The following ZBTB20 variants were observed in gnomAD, a reference collection of about 807,000 sequenced individuals.
ZBTB20 encodes zinc finger and BTB domain-containing protein 20.
A neutral mutation model predicts 56.9 loss-of-function variants in ZBTB20; 9 were observed. That is an observed-to-expected ratio of 0.16 (90% CI 0.10 to 0.28). The LOEUF is 0.28. Among genes scored for constraint, ZBTB20 ranks in the 10% least tolerant of loss-of-function variants. The pLI, the probability that ZBTB20 is intolerant of heterozygous loss-of-function variation, is 1.00. For synonymous variants in ZBTB20, 417 were observed against 420.7 expected (o/e 0.99, Z 0.11); for missense variants, 655 against 1,003.0 (o/e 0.65, Z 4.69).
chr3:114,715,481 G>A (rs1297028567), intron 5 of ZBTB20, among the ~76,000 whole-genome samples: 1 of 152,180 alleles, frequency 6.6e-6, no homozygotes, highest in African/African-American at 2.4e-5. Flanking sequence ...AAGAGAGTGT[G>A]GGGTAGGCAG....
At chr3:114,610,514 C>G (rs2057470084) in intron 6 of ZBTB20, among the ~76,000 whole-genome samples, 1 of 152,168 alleles carries the variant, frequency 6.6e-6, no homozygotes, top group African/African-American at 2.4e-5. Flanking sequence ...GCAGAGCTGT[C>G]AATTTCACAT....
At chr3:114,521,670 G>A (rs993562211) in intron 6 of ZBTB20, among the ~76,000 whole-genome samples, 1 of 152,006 alleles carries the variant, frequency 6.6e-6, no homozygotes, top group Non-Finnish European at 1.5e-5. Context: ...CCTGTGTCTA[G>A]AACACCCATA....
intron 7 of ZBTB20, among the ~76,000 whole-genome samples, chr3:114,452,408 G>A (rs948599883): frequency 1.3e-4 from 20 of 152,160 alleles, no homozygotes; most frequent in Admixed American, 2.6e-4. Flanking sequence ...TTCTGGATTT[G>A]CCAAAAGTTC....
In ZBTB20 at chr3:114,599,749, GAA is replaced by G. The variant is rs529024440; in HGVS notation, c.-295+93777_-295+93778del. On this transcript the variant is annotated intron_variant, in intron 6 of 11. Coordinates refer to ENST00000675478, the MANE Select transcript of ZBTB20 (RefSeq NM_001348800.3). Reference sequence around the variant, plus strand: ...TTATAGATGAGAAAACCCAGGCATAGAAATGTTGAAAAACTTGCCCAATGTCA... The same window carrying G: ...TTATAGATGAGAAAACCCAGGCATAGATGTTGAAAAACTTGCCCAATGTCA... Among the ~76,000 whole-genome samples the G allele has an allele frequency of 4.2e-4, 64 of 152,002 alleles. No homozygotes were observed. The South Asian group carries it at 0.013, about 31-fold the overall frequency.
intron 6 of ZBTB20, among the ~76,000 whole-genome samples, chr3:114,528,472 G>C (rs192601927): frequency 5.9e-4 from 90 of 152,154 alleles, no homozygotes; most frequent in African/African-American, 2.1e-3. Flanking sequence ...AGAAATATGG[G>C]CTATATTGAA....
In ZBTB20 at chr3:114,351,241, G is replaced by C. The variant is rs2080641797; in HGVS notation, c.837C>G (p.Asp279Glu). 4 of 1,600,784 alleles carry C rather than the reference G, an allele frequency of 2.5e-6. No homozygotes were observed. In the East Asian group the frequency reaches 9.0e-5, roughly 36 times the overall value. ...TCCAGCTGGGGTCTTCCATGTGGTG[G>C]TCGCGGGGCAGGCCGAGCGCAGTCT... ...HHETALGLPR[D>E]HHMEDPSWIT... is the part of the protein sequence containing the mutation. The change falls in exon 11 of 12, where the codon GAC becomes GAG. Residue 279 changes from aspartate to glutamate, a missense_variant. Asp to Glu is a conservative substitution (Grantham distance 45, BLOSUM62 2). Around this residue, in one of 10 missense-constraint regions of ZBTB20, gnomAD observed 167 missense variants for 281.9 expected, o/e 0.59. Transcript: ENST00000675478.
intron 5 of ZBTB20, among the ~76,000 whole-genome samples, chr3:114,729,113 C>T (rs2065528107): frequency 6.6e-6 from 1 of 152,076 alleles, no homozygotes. Flanking sequence ...TCCAGCTACC[C>T]ATGGACACAA....
At chr3:114,879,632 T>C (rs191706976) in intron 4 of ZBTB20, among the ~76,000 whole-genome samples, 1 of 152,354 alleles carries the variant, frequency 6.6e-6, no homozygotes, top group Non-Finnish European at 1.5e-5. Flanking sequence ...CAGTAAGTTT[T>C]ACAATACAAT....
intron 6 of ZBTB20, among the ~76,000 whole-genome samples, chr3:114,526,756 G>T (rs923798597): frequency 6.6e-6 from 1 of 152,106 alleles, no homozygotes; most frequent in Non-Finnish European, 1.5e-5. Context: ...AAATGTCTAC[G>T]TGGTTTATAG....
intron 2 of ZBTB20, among the ~76,000 whole-genome samples, chr3:115,040,257 C>T (rs1195242376): frequency 6.6e-6 from 1 of 151,962 alleles, no homozygotes; most frequent in East Asian, 1.9e-4. Flanking sequence ...TGCAAAGTGG[C>T]ATACAAAAAG....
chr3:115,069,231 A>C (rs2082316297), intron 2 of ZBTB20, among the ~76,000 whole-genome samples: 2 of 152,168 alleles, frequency 1.3e-5, no homozygotes, highest in African/African-American at 4.8e-5. Context: ...CAACTATTAG[A>C]ATCAGTGTTC....
At chr3:115,140,537 G>A (rs1474521253) in intron 1 of ZBTB20, among the ~76,000 whole-genome samples, 3 of 151,908 alleles carry the variant, frequency 2.0e-5, no homozygotes, top group Admixed American at 1.3e-4. Context: ...GTGAGTGCGA[G>A]AGAGTGTGTA....
intron 2 of ZBTB20, among the ~76,000 whole-genome samples, chr3:114,982,307 A>C (rs1367730829): frequency 6.6e-6 from 1 of 152,044 alleles, no homozygotes; most frequent in Non-Finnish European, 1.5e-5. Context: ...TCTAGTCCTA[A>C]ATCATTTCTA....
intron 6 of ZBTB20, among the ~76,000 whole-genome samples, chr3:114,539,154 T>C (rs1349453379): frequency 6.6e-6 from 1 of 152,198 alleles, no homozygotes; most frequent in Non-Finnish European, 1.5e-5. Flanking sequence ...TAAGTTTCTC[T>C]TTCCTAGCTT....
chr3:114,892,930 A>C (rs1301065529), intron 4 of ZBTB20, among the ~76,000 whole-genome samples: 1 of 152,240 alleles, frequency 6.6e-6, no homozygotes, highest in South Asian at 2.1e-4. Flanking sequence ...AAAATTAAAA[A>C]TTGGTTGTAG....
At position 114,787,356 on chromosome 3, in the gene ZBTB20, T is replaced by C. The variant is rs60157522; in HGVS notation, c.-343+13745A>G. On this transcript the variant is annotated intron_variant, in intron 5 of 11. Transcript: ENST00000675478. ...TTATATATATATATATATATATATATATATATATATATACACACACACACA... is the reference window on the plus strand; with the variant it reads ...TTATATATATATATATATATATATACATATATATATATACACACACACACA... 1.3e-3 allele frequency among the ~76,000 whole-genome samples: 126 copies of C among 97,408 alleles called. 3 individuals are homozygous for C. The highest frequency in any genetic ancestry group is 2.1e-3 in the South Asian group (6 of 2,862). 63.9% of individuals were successfully genotyped at this position (97,408 alleles called of 152,430 possible).
chr3:114,962,153 C>T (rs548923272), intron 3 of ZBTB20, among the ~76,000 whole-genome samples: 1 of 150,796 alleles, frequency 6.6e-6, no homozygotes, highest in Admixed American at 6.6e-5. Context: ...TTCTAAGCTC[C>T]CTTTTCCACA....
chr3:114,572,019 C>G (rs146199085), intron 6 of ZBTB20, among the ~76,000 whole-genome samples: 89 of 151,792 alleles, frequency 5.9e-4, no homozygotes, highest in Non-Finnish European at 1.1e-3. Flanking sequence ...AAGGGCTTAG[C>G]TAGGCATGAT....
chr3:114,565,770 A>G (rs2052647650), intron 6 of ZBTB20, among the ~76,000 whole-genome samples: 1 of 152,112 alleles, frequency 6.6e-6, no homozygotes. Context: ...TCTCACCCCA[A>G]CAAAACCTTT....
Sources: allele counts gnomAD v4.1 joint callset (sites outside exome capture counted in the v4.1 genomes callset), GRCh38; gene constraint gnomAD v4.1.1; regional missense constraint gnomAD v4.1.1; transcripts MANE v1.5; gene names NCBI Gene and HGNC (gene_info 2026-07-23, HGNC 2026-07-21).